RERE: variants seen among roughly 807,000 people sequenced by gnomAD.
The protein encoded by RERE is arginine-glutamic acid dipeptide repeats protein.
RERE carries 40 observed loss-of-function variants against 146.1 expected under a neutral mutation model. The observed-to-expected ratio is 0.27, with a 90% CI of 0.21 to 0.36. The LOEUF (loss-of-function observed/expected upper bound fraction) is 0.36. RERE is among the 10% of genes least tolerant of loss of function. RERE has a pLI of 1.00. For missense variants in RERE, 1,933 were observed against 2,138.7 expected, an observed-to-expected ratio of 0.90 and a Z score of 1.90; for synonymous variants, 1,003 against 866.0, an observed-to-expected ratio of 1.16 and a Z score of -2.78.
intron 1 of RERE, chr1:8,786,533 C>T: frequency 2.6e-6 from 2 of 780,498 alleles, no homozygotes; most frequent in Admixed American, 3.4e-5. Flanking sequence ...TATGGCTCTA[C>T]AATCCTCAGC....
intron 2 of RERE, among the ~76,000 whole-genome samples, chr1:8,631,468 C>T (rs965868598): frequency 6.6e-6 from 1 of 152,120 alleles, no homozygotes; most frequent in Non-Finnish European, 1.5e-5. Context: ...GAAGCATGAC[C>T]CCCGCTTCCC....
At chr1:8,534,269 G>C (rs1645696442) in intron 7 of RERE, among the ~76,000 whole-genome samples, 1 of 152,152 alleles carries the variant, frequency 6.6e-6, no homozygotes, top group Non-Finnish European at 1.5e-5. Flanking sequence ...ACAGAGCAAA[G>C]TGACAGAAAA....
At chr1:8,570,770 C>G (rs1255943402) in intron 4 of RERE, among the ~76,000 whole-genome samples, 1 of 151,742 alleles carries the variant, frequency 6.6e-6, no homozygotes, top group East Asian at 1.9e-4. Flanking sequence ...CAGGTGCCCT[C>G]TCTTTTAGAC....
chr1:8,550,528 TTTGTTGTTG>T (rs371325081), intron 6 of RERE, among the ~76,000 whole-genome samples: 3 of 152,010 alleles, frequency 2.0e-5, no homozygotes, highest in Non-Finnish European at 2.9e-5. Context: ...AAGGGTGTTT[TTTGTTGTTG>T]TTGTTGTTGT....
In RERE at chr1:8,361,833, C is replaced by T. The variant is rs777899098; in HGVS notation, c.1946G>A (p.Arg649His). The T allele has an allele frequency of 6.8e-6, 11 of 1,613,934 alleles. No homozygotes were observed. Among genetic ancestry groups the T allele is most frequent in the South Asian group, 5.5e-5 (5 of 91,090 alleles). The stretch of plus-strand genomic sequence containing the variant: ...ATCAGAGGCCACCTTCTCCCGCTGG[C>T]GTTTGTTACTCTTAAGAGGGGAAGA... ...EASSPLKSNK[R>H]QREKVASDTE... is the part of the protein sequence containing the mutation. The change falls in exon 17 of 23, where the codon CGC becomes CAC. Residue 649 changes from arginine to histidine, a missense_variant. Arg to His is a conservative substitution (Grantham distance 29). This residue lies in a region of RERE where 1,255 missense variants were observed against 1,153.8 expected (regional missense o/e 1.09). Coordinates refer to ENST00000400908, the MANE Select transcript of RERE (RefSeq NM_001042681.2).
intron 19 of RERE, among the ~76,000 whole-genome samples, 173 bp downstream of exon 19, chr1:8,359,591 C>T (rs966994561): frequency 4.6e-5 from 7 of 152,338 alleles, no homozygotes; most frequent in East Asian, 3.9e-4. Flanking sequence ...CCGGCAGCTT[C>T]GGATGTGCAG....
intron 10 of RERE, among the ~76,000 whole-genome samples, chr1:8,477,884 C>T (rs1382694050): frequency 6.6e-6 from 1 of 152,102 alleles, no homozygotes; most frequent in African/African-American, 2.4e-5. Context: ...AAGAGGCATA[C>T]ACTGATGCAT....
chr1:8,556,954 C>CA (rs1557685491), intron 5 of RERE, among the ~76,000 whole-genome samples: 1 of 151,440 alleles, frequency 6.6e-6, no homozygotes, highest in Non-Finnish European at 1.5e-5. Context: ...TGAACTTACA[C>CA]AGTTTCCATT....
chr1:8,553,698 T>A (rs1420209453), intron 6 of RERE, among the ~76,000 whole-genome samples: 1 of 152,144 alleles, frequency 6.6e-6, no homozygotes, highest in Non-Finnish European at 1.5e-5. Flanking sequence ...GGATTATAAT[T>A]ATATACCCAG....
intron 7 of RERE, among the ~76,000 whole-genome samples, chr1:8,529,326 G>T: frequency 8.1e-6 from 1 of 122,888 alleles, no homozygotes. Flanking sequence ...GTCTCGCTCT[G>T]TTGCACAGGC....
At chr1:8,411,022 G>A (rs116680720) in intron 12 of RERE, among the ~76,000 whole-genome samples, 8 of 152,174 alleles carry the variant, frequency 5.3e-5, no homozygotes, top group Non-Finnish European at 7.3e-5. Context: ...TGCAACAAAT[G>A]TAAGTATTTA....
rs1378621250 is a variant in RERE at position 8,761,854 on chromosome 1, G to A, written c.-145+55306C>T. ...GGAGACTCACTTAAACCCAAGAGGCGGAGGTTGCAGTGAGCCAAGATCACG... is the reference window on the plus strand; with the variant it reads ...GGAGACTCACTTAAACCCAAGAGGCAGAGGTTGCAGTGAGCCAAGATCACG... On this transcript the variant is annotated intron_variant, in intron 1 of 22. Coordinates refer to ENST00000400908, the MANE Select transcript of RERE (RefSeq NM_001042681.2). 8.6e-5 allele frequency among the ~76,000 whole-genome samples: 13 copies of A among 152,034 alleles called. 1 individual carries two copies. The South Asian group carries it at 1.0e-3, about 12-fold the overall frequency.
At chr1:8,559,672 A>C (rs189566709) in intron 4 of RERE, among the ~76,000 whole-genome samples, 57 of 152,212 alleles carry the variant, frequency 3.7e-4, no homozygotes, top group Non-Finnish European at 6.2e-4. Context: ...AAAATGGGAG[A>C]GATTTCAATG....
chr1:8,634,716 A>T (rs1647075291), intron 2 of RERE, among the ~76,000 whole-genome samples: 2 of 152,090 alleles, frequency 1.3e-5, no homozygotes, highest in African/African-American at 4.8e-5. Context: ...TACTTCTTCT[A>T]ATTGAAGTCA....
At chr1:8,554,220 A>G (rs183400521) in intron 6 of RERE, among the ~76,000 whole-genome samples, 16 of 152,314 alleles carry the variant, frequency 1.1e-4, no homozygotes, top group African/African-American at 2.2e-4. Flanking sequence ...AATACCAATG[A>G]TAAGTACTCA....
At chr1:8,812,142 A>G (rs1464749070) in intron 1 of RERE, among the ~76,000 whole-genome samples, 2 of 152,216 alleles carry the variant, frequency 1.3e-5, no homozygotes, top group Non-Finnish European at 2.9e-5. Flanking sequence ...AAAGTCCTTA[A>G]AAGTCATGTA....
intron 2 of RERE, among the ~76,000 whole-genome samples, chr1:8,631,130 G>A (rs577982759): frequency 6.6e-6 from 1 of 152,252 alleles, no homozygotes; most frequent in Admixed American, 6.5e-5. Flanking sequence ...AACTAAAAGG[G>A]ATTTTGTTGA....
At chr1:8,783,238 G>A (rs1271506608) in intron 1 of RERE, among the ~76,000 whole-genome samples, 2 of 152,062 alleles carry the variant, frequency 1.3e-5, no homozygotes, top group African/African-American at 4.8e-5. Context: ...GGGAGGCTGA[G>A]GTAGAAGGAT....
rs755695858 is a variant in RERE at position 8,360,098 on chromosome 1, C to T, written c.3395+14G>A. 9 of 1,578,106 alleles carry T rather than the reference C, an allele frequency of 5.7e-6. No homozygotes were observed. The highest frequency in any genetic ancestry group is 4.0e-5 in the African/African-American group (3 of 74,310). ...ACCTGTGCCTGACCCGTCCTGGAGC[C>T]CTAGGAAGCGTACCTAGCTGACTGG... On this transcript the variant is annotated intron_variant, in intron 18 of 22. Transcript: ENST00000400908.
Sources: gnomAD v4.1 joint callset for allele counts (sites outside exome capture counted in the v4.1 genomes callset) on GRCh38, gnomAD v4.1.1 for gene constraint, gnomAD v4.1.1 regional missense constraint, MANE v1.5 for transcripts, NCBI Gene and HGNC (gene_info 2026-07-23, HGNC 2026-07-21) for gene names.